The following ZSWIM3 variants were observed in gnomAD, a reference collection of about 807,000 sequenced individuals.
ZSWIM3 encodes zinc finger SWIM domain-containing protein 3.
ZSWIM3 carries 27 observed loss-of-function variants against 47.5 expected under a neutral mutation model. The ratio of observed to expected loss-of-function variants is 0.57; its 90% CI spans 0.42 to 0.78. The LOEUF is 0.78. Among genes scored for constraint, ZSWIM3 ranks in the 30% least tolerant of loss-of-function variants. The pLI is 0.00. For missense variants in ZSWIM3, 689 were observed against 861.3 expected (o/e 0.80, Z 2.50); for synonymous variants, 333 against 333.9 (o/e 1.00, Z 0.03).
At chr20:45,867,555 A>G (rs1025812178) in intron 1 of ZSWIM3, among the ~76,000 whole-genome samples, 1 of 152,160 alleles carries the variant, frequency 6.6e-6, no homozygotes, top group African/African-American at 2.4e-5. Context: ...TTTATGATTG[A>G]TTAGAGCTAC....
chr20:45,862,761 C>T (rs1255425116), intron 1 of ZSWIM3, among the ~76,000 whole-genome samples: 1 of 152,166 alleles, frequency 6.6e-6, no homozygotes, highest in African/African-American at 2.4e-5. Flanking sequence ...CAAAGGGCTG[C>T]GATTACAGCT....
rs1479830815 is a variant in ZSWIM3 at position 45,857,941 on chromosome 20, A to C, written c.116A>C (p.His39Pro). The C allele has an allele frequency of 1.3e-6, 2 of 1,557,694 alleles. No individual in the cohort carries two copies. Among genetic ancestry groups the C allele is most frequent in the Non-Finnish European group, 1.7e-6 (2 of 1,148,208 alleles). Residue 39 changes from histidine to proline, a missense_variant, in exon 1 of 2, where the codon CAC (histidine) becomes CCC (proline). Coordinates refer to ENST00000255152, the MANE Select transcript of ZSWIM3 (RefSeq NM_080752.4). ...AGGGACTGCGTCTCCGTCCGCTTCC[A>C]CAACCTCAACCATGGCACCTCCATC... is the stretch of plus-strand genomic sequence containing the variant. ...ILRDCVSVRFHNLNHGTSIRE... is the reference protein window; with the variant it reads ...ILRDCVSVRFPNLNHGTSIRE...
At position 45,876,667 on chromosome 20, in the gene ZSWIM3, T is replaced by TG. The variant is rs751649059; in HGVS notation, c.156-41dup. 2.5e-6 allele frequency: 4 copies of TG among 1,570,348 alleles called. No homozygotes were observed. In the African/African-American group the frequency reaches 4.1e-5, roughly 16 times the overall value. On this transcript the variant is annotated intron_variant, in intron 1 of 1. Coordinates refer to ENST00000255152, the MANE Select transcript of ZSWIM3 (RefSeq NM_080752.4). ...TTCAGGGTCTTATCTTTATAAGGGG[T>TG]GGGGGGTGGTCAGCACCTTTCTCAT... is the stretch of plus-strand genomic sequence containing the variant.
In ZSWIM3 at chr20:45,877,149, C is replaced by G. The variant is rs751800443; in HGVS notation, c.591C>G (p.Ser197Arg). Reference protein sequence around the residue: ...GSMASFSVGDSQHLDRLSFQS... With the variant: ...GSMASFSVGDRQHLDRLSFQS... ...TGGCTTCCTTCAGTGTGGGTGACAGCCAGCACCTGGACCGGCTCAGCTTCC... is the reference window on the plus strand; with the variant it reads ...TGGCTTCCTTCAGTGTGGGTGACAGGCAGCACCTGGACCGGCTCAGCTTCC... Residue 197 changes from serine (S) to arginine (R), a missense_variant, in exon 2 of 2, where the codon AGC (serine) becomes AGG (arginine). Physicochemically the swap from Ser to Arg is moderately radical, Grantham distance 110. Coordinates refer to ENST00000255152, the MANE Select transcript of ZSWIM3 (RefSeq NM_080752.4). 4 of 1,614,028 alleles carry G rather than the reference C, an allele frequency of 2.5e-6. No homozygotes were observed. The African/African-American group carries it at 5.3e-5, about 22-fold the overall frequency.
intron 1 of ZSWIM3, among the ~76,000 whole-genome samples, chr20:45,868,748 G>A (rs1286637619): frequency 2.0e-5 from 3 of 152,092 alleles, no homozygotes; most frequent in South Asian, 2.1e-4. Flanking sequence ...ATTATTCTGA[G>A]AATTGGCATA....
chr20:45,874,786 T>A (rs944591073), intron 1 of ZSWIM3, among the ~76,000 whole-genome samples: 3 of 152,014 alleles, frequency 2.0e-5, no homozygotes, highest in African/African-American at 7.3e-5. Context: ...CAGGGTGAAT[T>A]GTTGGCAGCT....
rs778001548 is a variant in ZSWIM3, at chr20:45,877,896, G to A, written c.1338G>A (p.Pro446=). ...TPPPKLKRAR[P]ASMPLKSKKA... ...CTCCCAAATTAAAGAGAGCTCGGCCGGCAAGCATGCCACTGAAGTCCAAGA... is the reference window on the plus strand; with the variant it reads ...CTCCCAAATTAAAGAGAGCTCGGCCAGCAAGCATGCCACTGAAGTCCAAGA... Residue 446 remains proline, a synonymous_variant, in exon 2 of 2, where the codon CCG becomes CCA. Transcript: ENST00000255152. 42 of 1,614,016 alleles carry A rather than the reference G, an allele frequency of 2.6e-5. No individual in the cohort carries two copies. Among genetic ancestry groups the A allele is most frequent in the Middle Eastern group, 3.3e-4 (2 of 6,084 alleles).
chr20:45,877,191 C>G lies in ZSWIM3; in HGVS notation c.633C>G (p.Thr211=). Residue 211 remains threonine (T), a synonymous_variant, in exon 2 of 2, where the codon ACC becomes ACG. Transcript: ENST00000255152. ...TCAGCTTCCAGAGCAGTAAGATGACCGACCTGTTCATCCGCTTCCCAGAGA... is the reference window on the plus strand; with the variant it reads ...TCAGCTTCCAGAGCAGTAAGATGACGGACCTGTTCATCCGCTTCCCAGAGA... ...DRLSFQSSKM[T]DLFIRFPENL... is the part of the protein sequence containing the mutation. The G allele has an allele frequency of 6.2e-7, 1 of 1,614,036 alleles. No individual in the cohort carries two copies. The highest frequency in any genetic ancestry group is 8.5e-7 in the Non-Finnish European group (1 of 1,180,008).
At chr20:45,872,964 C>T (rs771647314) in intron 1 of ZSWIM3, 78 of 1,150,708 alleles carry the variant, frequency 6.8e-5, no homozygotes, top group Non-Finnish European at 8.2e-5. Context: ...GGTGGAGTTT[C>T]TAGGCTATGC....
intron 1 of ZSWIM3, 48 bp from the exon 2 acceptor site, chr20:45,876,666 G>C: frequency 6.4e-7 from 1 of 1,572,238 alleles, no homozygotes; most frequent in Non-Finnish European, 8.6e-7. Context: ...TTTATAAGGG[G>C]TGGGGGGTGG....
At chr20:45,870,794 A>G (rs1985958452) in intron 1 of ZSWIM3, among the ~76,000 whole-genome samples, 1 of 151,830 alleles carries the variant, frequency 6.6e-6, no homozygotes, top group South Asian at 2.1e-4. Context: ...CCTGGGTTCA[A>G]GTGATTCTTC....
intron 1 of ZSWIM3, among the ~76,000 whole-genome samples, chr20:45,864,801 C>T (rs1030882985): frequency 5.9e-5 from 9 of 152,122 alleles, no homozygotes; most frequent in African/African-American, 2.2e-4. Flanking sequence ...GCGGAGGCTG[C>T]AGTGAGCTGA....
chr20:45,878,743 C>T lies in ZSWIM3; in HGVS notation c.*94C>T, dbSNP rs956883455. On this transcript the variant is annotated 3_prime_UTR_variant, in exon 2 of 2. Coordinates refer to ENST00000255152, the MANE Select transcript of ZSWIM3 (RefSeq NM_080752.4). ...GACATACTAGGGTTTAGCATTTTAG[C>T]CAATGTCTTCCTAGGTGGGGCTAGG... is the stretch of plus-strand genomic sequence containing the variant. 1.2e-5 allele frequency: 18 copies of T among 1,446,894 alleles called. No individual in the cohort carries two copies. Among genetic ancestry groups the T allele is most frequent in the Middle Eastern group, 2.2e-4 (1 of 4,542 alleles). 89.6% of individuals were successfully genotyped at this position (1,446,894 alleles called of 1,614,324 possible).
chr20:45,873,992 T>C (rs914488662), intron 1 of ZSWIM3, among the ~76,000 whole-genome samples: 3 of 152,228 alleles, frequency 2.0e-5, no homozygotes, highest in Non-Finnish European at 4.4e-5. Flanking sequence ...ATCATCACTT[T>C]AAGCCTAGAA....
In ZSWIM3 at chr20:45,878,613, G is replaced by A; in HGVS notation, c.2055G>A (p.Glu685=). 6.2e-7 allele frequency: 1 copy of A among 1,612,586 alleles called. No homozygotes were observed. Among genetic ancestry groups the A allele is most frequent in the South Asian group, 1.1e-5 (1 of 91,058 alleles). ...TCTGGGGAAAGCAAGAAGAAGGGGAGGGATTCCCTCCTGCTACAGCTGTGA... is the reference window on the plus strand; with the variant it reads ...TCTGGGGAAAGCAAGAAGAAGGGGAAGGATTCCCTCCTGCTACAGCTGTGA... ...PFLWGKQEEG[E]GFPPATAVMH... Residue 685 remains glutamate, a synonymous_variant, in exon 2 of 2, where the codon GAG becomes GAA. Coordinates refer to ENST00000255152, the MANE Select transcript of ZSWIM3 (RefSeq NM_080752.4).
At position 45,868,136 on chromosome 20, in the gene ZSWIM3, G is replaced by A. The variant is rs1201301038; in HGVS notation, c.156-8578G>A. On this transcript the variant is annotated intron_variant, in intron 1 of 1. Transcript: ENST00000255152. The stretch of plus-strand genomic sequence containing the variant: ...CATTAAGCATCAAGGTAATGCAAAT[G>A]TAAATAAAACTGACTGTAGACTGAA... Among the ~76,000 whole-genome samples, 3 of 152,204 alleles carry A rather than the reference G, an allele frequency of 2.0e-5. No individual in the cohort carries two copies. In the East Asian group the frequency reaches 5.8e-4, roughly 29 times the overall value.
At chr20:45,872,526 T>A (rs913484074) in intron 1 of ZSWIM3, 1 of 170,182 alleles carries the variant, frequency 5.9e-6, no homozygotes, top group Non-Finnish European at 1.2e-5. Flanking sequence ...CTAGAAAAGA[T>A]AATGGGTGCA....
chr20:45,873,632 TTTAATC>T (rs1167610703), intron 1 of ZSWIM3, among the ~76,000 whole-genome samples: 5 of 152,246 alleles, frequency 3.3e-5, no homozygotes, highest in Non-Finnish European at 7.3e-5. Flanking sequence ...CTGTGGCTCA[TTTAATC>T]TTAATAACAA....
intron 1 of ZSWIM3, among the ~76,000 whole-genome samples, chr20:45,864,996 C>T (rs1277336971): frequency 4.6e-5 from 7 of 152,064 alleles, no homozygotes; most frequent in African/African-American, 1.7e-4. Flanking sequence ...CGGAGAAACC[C>T]TGTCTCTACT....
Sources: gnomAD v4.1 joint callset for allele counts (sites outside exome capture counted in the v4.1 genomes callset) on GRCh38, gnomAD v4.1.1 for gene constraint, MANE v1.5 for transcripts, NCBI Gene and HGNC (gene_info 2026-07-23, HGNC 2026-07-21) for gene names.